DCTN4: variants seen among roughly 807,000 people sequenced by gnomAD.
DCTN4 encodes dynactin 4 (p62).
Under a neutral mutation model 62.7 loss-of-function variants are expected in DCTN4, and 23 were observed. That is an observed-to-expected ratio of 0.37 (90% CI 0.26 to 0.52). The LOEUF is 0.52. DCTN4 is among the 20% of genes least tolerant of loss of function. DCTN4 has a pLI of 0.92. For missense variants in DCTN4, 514 were observed against 580.4 expected, an observed-to-expected ratio of 0.89 and a Z score of 1.18; for synonymous variants, 199 against 202.1, an observed-to-expected ratio of 0.98 and a Z score of 0.13.
intron 9 of DCTN4, 134 bp from the exon 10 acceptor site, chr5:150,719,904 A>G (rs1246773423): frequency 5.0e-6 from 3 of 604,660 alleles, no homozygotes; most frequent in African/African-American, 3.8e-5. Flanking sequence ...ATTTTAATGA[A>G]CCATATCATC....
chr5:150,747,632 G>A (rs1339962776), intron 3 of DCTN4, among the ~76,000 whole-genome samples: 2 of 152,022 alleles, frequency 1.3e-5, no homozygotes, highest in South Asian at 2.1e-4. Flanking sequence ...CAGAAATAAT[G>A]CCGCATATCT....
At chr5:150,736,642 C>A (rs1433866057) in intron 4 of DCTN4, among the ~76,000 whole-genome samples, 1 of 151,988 alleles carries the variant, frequency 6.6e-6, no homozygotes, top group Non-Finnish European at 1.5e-5. Flanking sequence ...TTGAAACACA[C>A]CAAAATATAA....
intron 11 of DCTN4, among the ~76,000 whole-genome samples, chr5:150,716,884 A>G (rs894415915): frequency 9.3e-5 from 14 of 151,122 alleles, no homozygotes; most frequent in Admixed American, 2.0e-4. Context: ...GCGCCACTGC[A>G]CTCCAGCCTG....
chr5:150,738,336 C>A (rs1252238665), intron 4 of DCTN4, among the ~76,000 whole-genome samples: 1 of 152,144 alleles, frequency 6.6e-6, no homozygotes, highest in African/African-American at 2.4e-5. Flanking sequence ...AGACAGATAT[C>A]CCTGATGAAC....
intron 3 of DCTN4, among the ~76,000 whole-genome samples, chr5:150,750,521 T>C (rs908074426): frequency 2.0e-5 from 3 of 152,186 alleles, no homozygotes; most frequent in African/African-American, 7.2e-5. Context: ...CCAGCAGCTA[T>C]ATTTTTTCAA....
intron 2 of DCTN4, among the ~76,000 whole-genome samples, chr5:150,754,941 C>T (rs941384256): frequency 3.3e-5 from 5 of 150,318 alleles, no homozygotes; most frequent in African/African-American, 4.9e-5. Context: ...TCAACCTAGG[C>T]GCCAAAGTGA....
At chr5:150,743,603 C>T (rs1166250695) in intron 3 of DCTN4, among the ~76,000 whole-genome samples, 1 of 152,200 alleles carries the variant, frequency 6.6e-6, no homozygotes, top group African/African-American at 2.4e-5. Context: ...TGAGACAAAA[C>T]TTCCAGAGGA....
At chr5:150,729,475 C>A (rs528970950) in intron 8 of DCTN4, among the ~76,000 whole-genome samples, 27 of 152,130 alleles carry the variant, frequency 1.8e-4, no homozygotes, top group African/African-American at 6.5e-4. Context: ...ATTCCTCATC[C>A]CTCATTATTT....
intron 9 of DCTN4, among the ~76,000 whole-genome samples, chr5:150,721,104 G>A (rs1048989864): frequency 6.6e-6 from 1 of 152,166 alleles, no homozygotes; most frequent in Admixed American, 6.5e-5. Flanking sequence ...AGAGACGAGG[G>A]AAGTATGTTT....
intron 4 of DCTN4, among the ~76,000 whole-genome samples, chr5:150,740,175 A>G (rs1760718156): frequency 6.6e-6 from 1 of 152,224 alleles, no homozygotes; most frequent in Admixed American, 6.5e-5. Context: ...TATGCATCCA[A>G]CAAAGGACTA....
intron 12 of DCTN4, among the ~76,000 whole-genome samples, chr5:150,713,833 T>C (rs1432709824): frequency 1.9e-4 from 29 of 151,592 alleles, no homozygotes; most frequent in Admixed American, 1.9e-3. Context: ...AAACCGTAAA[T>C]GGGCCAGGCA....
chr5:150,732,554 T>C (rs1760425990), intron 5 of DCTN4, among the ~76,000 whole-genome samples: 1 of 152,200 alleles, frequency 6.6e-6, no homozygotes, highest in Non-Finnish European at 1.5e-5. Flanking sequence ...CTAGGTCCCA[T>C]TTCCTCAAGC....
intron 2 of DCTN4, among the ~76,000 whole-genome samples, 194 bp from the exon 3 acceptor site, chr5:150,753,851 G>T (rs1241708938): frequency 6.6e-6 from 1 of 152,166 alleles, no homozygotes; most frequent in African/African-American, 2.4e-5. Flanking sequence ...GCCAAAGTAA[G>T]AATTAGAGCC....
Position 150,742,110 on chromosome 5 carries a change from TTACCCG to T in DCTN4, c.427_429+3del. On this transcript the variant is annotated splice_donor_variant and splice_donor_region_variant and coding_sequence_variant and intron_variant, in exon 4 of 13. Coordinates refer to ENST00000447998, the MANE Select transcript of DCTN4 (RefSeq NM_016221.4). LOFTEE classifies it high-confidence loss of function. ...TCCTCTCTCTCTTATGACCCTTTAC[TTACCCG>T]TTGTGTGTGAGGATTTTCAGGTTCC... The T allele has an allele frequency of 6.2e-7, 1 of 1,613,888 alleles. No individual in the cohort carries two copies.
intron 8 of DCTN4, among the ~76,000 whole-genome samples, chr5:150,729,694 C>T (rs920103484): frequency 6.6e-6 from 1 of 151,366 alleles, no homozygotes; most frequent in African/African-American, 2.4e-5. Context: ...CATCATCACA[C>T]ACTACAGTCT....
chr5:150,735,793 A>T (rs1760557443), intron 4 of DCTN4, among the ~76,000 whole-genome samples: 1 of 152,160 alleles, frequency 6.6e-6, no homozygotes, highest in African/African-American at 2.4e-5. Flanking sequence ...CCAGCAATGG[A>T]TCCAAACCAA....
At chr5:150,718,816 ATTAT>A (rs201844888) in intron 10 of DCTN4, among the ~76,000 whole-genome samples, 1,721 of 152,158 alleles carry the variant, frequency 0.011, 29 homozygotes, top group African/African-American at 0.036. Flanking sequence ...TAAAATTTTT[ATTAT>A]TTATTTATTT....
chr5:150,732,063 T>C (rs557138615), intron 5 of DCTN4, among the ~76,000 whole-genome samples: 5 of 152,366 alleles, frequency 3.3e-5, no homozygotes, highest in South Asian at 2.1e-4. Context: ...CATTGGTGCA[T>C]ATGCTGACTA....
chr5:150,759,017 C>A lies in DCTN4; in HGVS notation c.-24G>T, dbSNP rs1262617813. 2.5e-6 allele frequency: 4 copies of A among 1,610,934 alleles called. No homozygotes were observed. The highest frequency in any genetic ancestry group is 2.2e-5 in the East Asian group (1 of 44,750). Reference sequence around the variant, plus strand: ...ATCTTGGGGAGGGAGGAGGCGATGACGCTCCCGGCGCATCACGTGACCCGA... The same window carrying A: ...ATCTTGGGGAGGGAGGAGGCGATGAAGCTCCCGGCGCATCACGTGACCCGA... On this transcript the variant is annotated 5_prime_UTR_variant, in exon 1 of 13. Transcript: ENST00000447998.
Sources: gnomAD v4.1 joint callset for allele counts (sites outside exome capture counted in the v4.1 genomes callset) on GRCh38, gnomAD v4.1.1 for gene constraint, MANE v1.5 for transcripts, NCBI Gene and HGNC (gene_info 2026-07-23, HGNC 2026-07-21) for gene names.